The following PKNOX2 variants were observed in gnomAD, a reference collection of about 807,000 sequenced individuals.
PKNOX2 encodes homeobox protein PKNOX2.
In PKNOX2, 14 loss-of-function variants were observed where a neutral mutation model predicts 53.1. That is an observed-to-expected ratio of 0.26 (90% CI 0.17 to 0.41). PKNOX2 has a LOEUF of 0.41. PKNOX2 is among the 10% of genes least tolerant of loss of function. PKNOX2 has a pLI of 1.00. For synonymous variants in PKNOX2, 257 were observed against 242.8 expected (o/e 1.06, Z -0.54); for missense variants, 496 against 602.8 (o/e 0.82, Z 1.85).
At chr11:125,261,226 T>A (rs1183794604) in intron 2 of PKNOX2, among the ~76,000 whole-genome samples, 1 of 152,138 alleles carries the variant, frequency 6.6e-6, no homozygotes, top group Non-Finnish European at 1.5e-5. Context: ...CAGGATGGGA[T>A]GTTGCTGCTT....
intron 1 of PKNOX2, among the ~76,000 whole-genome samples, chr11:125,232,256 A>G (rs905750273): frequency 1.3e-5 from 2 of 152,230 alleles, no homozygotes; most frequent in African/African-American, 4.8e-5. Context: ...GAAAGGGACA[A>G]GGAAGATACA....
In PKNOX2 at chr11:125,431,624, C is replaced by T. The variant is rs558740051; in HGVS notation, c.*232C>T. 14 of 549,574 alleles carry T rather than the reference C, an allele frequency of 2.5e-5. No individual in the cohort carries two copies. Among genetic ancestry groups the T allele is most frequent in the South Asian group, 1.5e-4 (7 of 46,060 alleles). The allele number at this position is 549,574 out of a possible 1,614,324, so 34.0% of individuals were successfully genotyped here. The stretch of plus-strand genomic sequence containing the variant: ...TGGAACTGCCGAGGACTCTGTTTGG[C>T]GGGGCCAGTCGAGCAGCCTGTGTGG... On this transcript the variant is annotated 3_prime_UTR_variant, in exon 13 of 13. Transcript: ENST00000298282.
chr11:125,320,997 G>A (rs1184047942), intron 2 of PKNOX2, among the ~76,000 whole-genome samples: 1 of 152,216 alleles, frequency 6.6e-6, no homozygotes, highest in Non-Finnish European at 1.5e-5. Flanking sequence ...TCCTAACAGT[G>A]TGCCATGGCT....
At chr11:125,356,031 C>CA (rs1442564154) in intron 4 of PKNOX2, among the ~76,000 whole-genome samples, 2 of 113,252 alleles carry the variant, frequency 1.8e-5, no homozygotes, top group Non-Finnish European at 3.4e-5. Flanking sequence ...CTATCAGCAC[C>CA]CCCCCCCCCA....
intron 2 of PKNOX2, among the ~76,000 whole-genome samples, chr11:125,265,370 T>C (rs1282845843): frequency 6.6e-6 from 1 of 151,938 alleles, no homozygotes; most frequent in Non-Finnish European, 1.5e-5. Context: ...CAAGGCAAGC[T>C]GATTTCCGAT....
Position 125,240,144 on chromosome 11 carries a change from G to A in PKNOX2, c.-130+5029G>A, listed in dbSNP as rs1295332843. On this transcript the variant is annotated intron_variant, in intron 2 of 12. Transcript: ENST00000298282. The surrounding 1 kb of genome is among the most constrained non-coding windows in gnomAD (Gnocchi z 4.3). ...CTGCAGCCCCAACTGGAGGCGCCCCGGAAGAGTGAGATGGAGTGGGGAGGG... is the reference window on the plus strand; with the variant it reads ...CTGCAGCCCCAACTGGAGGCGCCCCAGAAGAGTGAGATGGAGTGGGGAGGG... 1 of 152,212 alleles carries A rather than the reference G, an allele frequency of 6.6e-6. No individual in the cohort carries two copies. The highest frequency in any genetic ancestry group is 6.5e-5 in the Admixed American group (1 of 15,274). 9.4% of individuals were successfully genotyped at this position (152,212 alleles called of 1,614,324 possible).
chr11:125,350,786 G>C (rs1168354712), intron 3 of PKNOX2, among the ~76,000 whole-genome samples: 1 of 152,144 alleles, frequency 6.6e-6, no homozygotes. Flanking sequence ...CTTGGTGCTT[G>C]GGGACCCTGG....
intron 2 of PKNOX2, among the ~76,000 whole-genome samples, chr11:125,327,844 G>C (rs1009319366): frequency 6.6e-6 from 1 of 152,240 alleles, no homozygotes; most frequent in African/African-American, 2.4e-5. Context: ...AATTCCAAGT[G>C]TATTGTAGCC....
chr11:125,268,567 G>C (rs569716580), intron 2 of PKNOX2, among the ~76,000 whole-genome samples: 119 of 152,182 alleles, frequency 7.8e-4, no homozygotes, highest in Non-Finnish European at 1.3e-3. Context: ...TGGTGACTTC[G>C]GGAAGTTAGC....
At chr11:125,360,670 A>G (rs1951875105) in intron 4 of PKNOX2, among the ~76,000 whole-genome samples, 1 of 152,154 alleles carries the variant, frequency 6.6e-6, no homozygotes, top group Non-Finnish European at 1.5e-5. Context: ...TGGCACCCAC[A>G]CTGGTAGGAC....
chr11:125,216,779 C>T (rs1940553268), intron 1 of PKNOX2, among the ~76,000 whole-genome samples: 1 of 152,134 alleles, frequency 6.6e-6, no homozygotes, highest in African/African-American at 2.4e-5. Context: ...GCAGTCTGGC[C>T]AGGTCAGTCA....
rs900854567 is a variant in PKNOX2, at chr11:125,403,374, A to G, written c.588+5312A>G. Among the ~76,000 whole-genome samples, 6 of 152,170 alleles carry G rather than the reference A, an allele frequency of 3.9e-5. No homozygotes were observed. In the East Asian group the frequency reaches 1.2e-3, roughly 29 times the overall value. On this transcript the variant is annotated intron_variant, in intron 7 of 12. Transcript: ENST00000298282. Reference sequence around the variant, plus strand: ...CTGGAGACACGCTGGAGACAAATCAATTGAGCAGCCACATCTTGTATTGGT... The same window carrying G: ...CTGGAGACACGCTGGAGACAAATCAGTTGAGCAGCCACATCTTGTATTGGT...
rs1184372328 is a variant in PKNOX2 at position 125,338,327 on chromosome 11, CAA to C, written c.-23+6404_-23+6405del. ...TTTCTCACGTTTATGAACTGCAGGACAAAGAGACAGCAGACTGCTCTTCCCAG... is the reference window on the plus strand; with the variant it reads ...TTTCTCACGTTTATGAACTGCAGGACAGAGACAGCAGACTGCTCTTCCCAG... On this transcript the variant is annotated intron_variant, in intron 3 of 12. Transcript: ENST00000298282. 2.6e-5 allele frequency among the ~76,000 whole-genome samples: 4 copies of C among 152,316 alleles called. No individual in the cohort carries two copies. In the East Asian group the frequency reaches 5.8e-4, roughly 22 times the overall value.
At chr11:125,356,737 G>A (rs567347268) in intron 4 of PKNOX2, among the ~76,000 whole-genome samples, 4 of 152,338 alleles carry the variant, frequency 2.6e-5, no homozygotes, top group Middle Eastern at 3.4e-3. Flanking sequence ...ACTCCAGGTG[G>A]GGCCAGGGGA....
intron 7 of PKNOX2, among the ~76,000 whole-genome samples, chr11:125,409,770 C>A (rs768384658): frequency 6.6e-6 from 1 of 152,116 alleles, no homozygotes; most frequent in South Asian, 2.1e-4. Flanking sequence ...ACCTGGGGAG[C>A]TTTTAATAAC....
chr11:125,387,312 T>C (rs978089285), intron 6 of PKNOX2, among the ~76,000 whole-genome samples: 1 of 152,184 alleles, frequency 6.6e-6, no homozygotes, highest in African/African-American at 2.4e-5. Context: ...AAAAAGAAAC[T>C]GAGGCCTAAG....
At chr11:125,248,962 A>G (rs1943789134) in intron 2 of PKNOX2, among the ~76,000 whole-genome samples, 1 of 133,012 alleles carries the variant, frequency 7.5e-6, no homozygotes, top group African/African-American at 2.9e-5. Flanking sequence ...GTATATATAC[A>G]TACATATATA....
chr11:125,312,498 A>G (rs999442607), intron 2 of PKNOX2, among the ~76,000 whole-genome samples: 90 of 152,328 alleles, frequency 5.9e-4, no homozygotes, highest in African/African-American at 2.1e-3. Context: ...AGGAGAGCAG[A>G]CAGGCTGTGA....
intron 7 of PKNOX2, among the ~76,000 whole-genome samples, chr11:125,406,432 C>T (rs1374117881): frequency 6.6e-6 from 1 of 152,216 alleles, no homozygotes; most frequent in Non-Finnish European, 1.5e-5. Flanking sequence ...CCCAGCTGAA[C>T]CCCTTCCATT....
Sources: gnomAD v4.1 joint callset for allele counts (sites outside exome capture counted in the v4.1 genomes callset) on GRCh38, gnomAD v4.1.1 for gene constraint, Gnocchi (gnomAD v3.1) non-coding constraint, MANE v1.5 for transcripts, NCBI Gene and HGNC (gene_info 2026-07-23, HGNC 2026-07-21) for gene names.